The following URI1 variants were observed in gnomAD, a reference collection of about 807,000 sequenced individuals.
URI1 encodes URI1 prefoldin like chaperone.
URI1 carries 39 observed loss-of-function variants against 60.2 expected under a neutral mutation model. The observed-to-expected ratio is 0.65, with a 90% confidence interval of 0.50 to 0.85. The LOEUF (loss-of-function observed/expected upper bound fraction) is 0.85. Ranked by LOEUF, URI1 falls within the 40% of genes least tolerant of loss-of-function variation. The pLI is 0.00. For synonymous variants in URI1, 251 were observed against 236.8 expected, an observed-to-expected ratio of 1.06 and a Z score of -0.55; for missense variants, 691 against 665.9, an observed-to-expected ratio of 1.04 and a Z score of -0.42.
chr19:29,931,599 G>A (rs2054917899), intron 1 of URI1, among the ~76,000 whole-genome samples: 1 of 152,110 alleles, frequency 6.6e-6, no homozygotes, highest in Non-Finnish European at 1.5e-5. Context: ...CTAACATTCA[G>A]CCCATAACAA....
chr19:29,940,983 T>C (rs1176993494), upstream of URI1, among the ~76,000 whole-genome samples: 3 of 152,128 alleles, frequency 2.0e-5, no homozygotes, highest in African/African-American at 7.2e-5. Context: ...TGATGATGGT[T>C]GGATATGCAG....
intron 4 of URI1, among the ~76,000 whole-genome samples, chr19:29,992,502 C>T (rs1226269170): frequency 6.6e-6 from 1 of 152,120 alleles, no homozygotes; most frequent in Non-Finnish European, 1.5e-5. Flanking sequence ...GGCATTCCCC[C>T]GTTTTTGTTC....
intron 1 of URI1, among the ~76,000 whole-genome samples, chr19:29,961,682 T>G (rs1215031073): frequency 1.3e-5 from 2 of 150,140 alleles, no homozygotes; most frequent in African/African-American, 2.5e-5. Flanking sequence ...TTTGTTTTTT[T>G]TTTTTTTTGT....
At chr19:29,939,602 T>C (rs1287663142), upstream of URI1, among the ~76,000 whole-genome samples, 1 of 152,084 alleles carries the variant, frequency 6.6e-6, no homozygotes, top group East Asian at 1.9e-4. Context: ...GTGTGATAAG[T>C]GCTACAAAGA....
intron 2 of URI1, among the ~76,000 whole-genome samples, chr19:29,973,087 A>G (rs1476777671): frequency 1.3e-5 from 2 of 152,136 alleles, no homozygotes; most frequent in East Asian, 3.9e-4. Context: ...AAAAAATTGA[A>G]ACCAAAGTGT....
chr19:29,979,880 A>G (rs990972792), intron 2 of URI1, among the ~76,000 whole-genome samples: 5 of 152,200 alleles, frequency 3.3e-5, no homozygotes, highest in African/African-American at 1.2e-4. Context: ...TGCCATGACC[A>G]TTTAGAAAAA....
Position 30,016,011 on chromosome 19 carries a change from A to G in URI1, c.*942A>G, listed in dbSNP as rs1437373666. The G allele has an allele frequency of 1.3e-5, 2 of 155,620 alleles. No individual in the cohort carries two copies. Among genetic ancestry groups the G allele is most frequent in the African/African-American group, 4.8e-5 (2 of 41,584 alleles). 9.6% of individuals were successfully genotyped at this position (155,620 alleles called of 1,614,324 possible). On this transcript the variant is annotated 3_prime_UTR_variant, in exon 11 of 11. Coordinates refer to ENST00000392271, the MANE Select transcript of URI1 (RefSeq NM_003796.3). Reference sequence around the variant, plus strand: ...AATTCCTCAAAATAAATTTATTCTAACATTGAAAATAACATTACAAGTTAA... The same window carrying G: ...AATTCCTCAAAATAAATTTATTCTAGCATTGAAAATAACATTACAAGTTAA...
intron 1 of URI1, among the ~76,000 whole-genome samples, chr19:29,964,429 CAG>C (rs2055363878): frequency 6.7e-6 from 1 of 150,182 alleles, no homozygotes; most frequent in Non-Finnish European, 1.5e-5. Context: ...GTCTCACTGA[CAG>C]TGGTGGTTTC....
intron 1 of URI1, among the ~76,000 whole-genome samples, chr19:29,970,562 G>T (rs1219503780): frequency 6.6e-6 from 1 of 151,968 alleles, no homozygotes; most frequent in Non-Finnish European, 1.5e-5. Context: ...CATTGTTTTA[G>T]TATTATAAAC....
intron 1 of URI1, among the ~76,000 whole-genome samples, chr19:29,963,242 G>A (rs2145299678): frequency 6.6e-6 from 1 of 152,240 alleles, no homozygotes; most frequent in East Asian, 1.9e-4. Flanking sequence ...TCTGGATCTT[G>A]CACTTACACT....
upstream of URI1, among the ~76,000 whole-genome samples, chr19:29,941,254 G>A (rs1008744722): frequency 6.6e-6 from 1 of 152,128 alleles, no homozygotes; most frequent in Non-Finnish European, 1.5e-5. Flanking sequence ...CCACTTTCAC[G>A]CAGTTAGGTT....
At chr19:30,007,329 T>G in intron 6 of URI1, 141 bp from the exon 7 acceptor site, 1 of 876,492 alleles carries the variant, frequency 1.1e-6, no homozygotes, top group African/African-American at 1.7e-5. Flanking sequence ...ACATTCATCC[T>G]TGGAGTTCTG....
At chr19:29,929,338 T>TGTA (rs138144375) in intron 1 of URI1, among the ~76,000 whole-genome samples, 12,265 of 152,218 alleles carry the variant, frequency 0.081, 683 homozygotes, top group East Asian at 0.22. Context: ...GACTCATGCC[T>TGTA]GTAATCCCAG....
chr19:29,930,821 A>C (rs2054910128), intron 1 of URI1, among the ~76,000 whole-genome samples: 1 of 150,914 alleles, frequency 6.6e-6, no homozygotes, highest in Non-Finnish European at 1.5e-5. Context: ...CAGCCTCCCA[A>C]GTAGTAGACA....
chr19:29,950,781 A>G (rs567482603), intron 1 of URI1, among the ~76,000 whole-genome samples: 20 of 152,344 alleles, frequency 1.3e-4, no homozygotes, highest in Non-Finnish European at 2.6e-4. Flanking sequence ...TGCAAGAGCC[A>G]ATCAGAGATT....
At chr19:30,009,455 T>C in intron 8 of URI1, 102 bp downstream of exon 8, 1 of 1,145,492 alleles carries the variant, frequency 8.7e-7, no homozygotes, top group Non-Finnish European at 1.2e-6. Context: ...TCATTGTGGA[T>C]AGTGCCAGAC....
intron 1 of URI1, among the ~76,000 whole-genome samples, chr19:29,953,163 T>C (rs1183385862): frequency 6.6e-6 from 1 of 152,220 alleles, no homozygotes; most frequent in African/African-American, 2.4e-5. Flanking sequence ...CACGAGTGTC[T>C]TTCTGCGCTA....
chr19:29,951,953 A>G (rs2055185762), intron 1 of URI1, among the ~76,000 whole-genome samples: 1 of 152,216 alleles, frequency 6.6e-6, no homozygotes, highest in South Asian at 2.1e-4. Context: ...TGTTTCTTCC[A>G]AGAGCCTTAT....
At chr19:29,998,053 A>G (rs1421078361) in intron 4 of URI1, among the ~76,000 whole-genome samples, 1 of 152,116 alleles carries the variant, frequency 6.6e-6, no homozygotes, top group Non-Finnish European at 1.5e-5. Context: ...GTGCCCAGCC[A>G]TATTTTTTAA....
Sources: allele counts gnomAD v4.1 joint callset (sites outside exome capture counted in the v4.1 genomes callset), GRCh38; gene constraint gnomAD v4.1.1; transcripts MANE v1.5; gene names NCBI Gene and HGNC (gene_info 2026-07-23, HGNC 2026-07-21).